The following LRRC4C variants were observed in gnomAD, a reference collection of about 807,000 sequenced individuals.
The protein encoded by LRRC4C is leucine rich repeat containing 4C.
LRRC4C carries 5 observed loss-of-function variants against 33.6 expected under a neutral mutation model. The ratio of observed to expected loss-of-function variants is 0.15; its 90% CI spans 0.08 to 0.31. The LOEUF (loss-of-function observed/expected upper bound fraction) is 0.31. LRRC4C is among the 10% of genes least tolerant of loss of function. The probability of loss-of-function intolerance (pLI) is 1.00; values close to 1 mark genes in which losing one functional copy is unlikely to be tolerated. For missense variants in LRRC4C, 560 were observed against 796.7 expected (o/e 0.70, Z 3.58); for synonymous variants, 329 against 302.0 (o/e 1.09, Z -0.93).
chr11:41,318,426 A>G (rs1029676953), intron 1 of LRRC4C, among the ~76,000 whole-genome samples: 1 of 152,216 alleles, frequency 6.6e-6, no homozygotes, highest in African/African-American at 2.4e-5. Context: ...GGACTTAATT[A>G]GCAGAGATTC....
intron 5 of LRRC4C, among the ~76,000 whole-genome samples, chr11:40,229,283 A>ATATT (rs1554981271): frequency 1.2e-4 from 18 of 151,628 alleles, no homozygotes; most frequent in Admixed American, 1.3e-4. Flanking sequence ...ATATATATAT[A>ATATT]TTTTTTTGAG....
chr11:40,942,136 G>T (rs1024545903), intron 1 of LRRC4C, among the ~76,000 whole-genome samples: 1 of 152,092 alleles, frequency 6.6e-6, no homozygotes, highest in Non-Finnish European at 1.5e-5. Flanking sequence ...TCCAAGAAAG[G>T]TTTAGCTAGC....
chr11:40,188,819 TG>T (rs138437838), intron 5 of LRRC4C, among the ~76,000 whole-genome samples: 58,573 of 151,756 alleles, frequency 0.39, 12,725 homozygotes, highest in South Asian at 0.54. Context: ...TGACATGAAA[TG>T]AAAAGGATGC....
chr11:40,664,222 C>T (rs1302350740), intron 2 of LRRC4C, among the ~76,000 whole-genome samples: 1 of 152,012 alleles, frequency 6.6e-6, no homozygotes, highest in African/African-American at 2.4e-5. Flanking sequence ...TAGCATTTAA[C>T]TACAAAAAGA....
At chr11:41,158,436 A>G (rs1944326708) in intron 1 of LRRC4C, among the ~76,000 whole-genome samples, 1 of 152,128 alleles carries the variant, frequency 6.6e-6, no homozygotes, top group African/African-American at 2.4e-5. Context: ...CATATTCACT[A>G]TGATTAGAGT....
intron 3 of LRRC4C, among the ~76,000 whole-genome samples, chr11:40,432,028 G>A (rs183542113): frequency 7.2e-5 from 11 of 152,280 alleles, no homozygotes; most frequent in Admixed American, 4.6e-4. Context: ...TGGTGTTTGA[G>A]CACAGGTTCT....
At chr11:40,965,995 C>A (rs1487256008) in intron 1 of LRRC4C, among the ~76,000 whole-genome samples, 1 of 152,016 alleles carries the variant, frequency 6.6e-6, no homozygotes. Context: ...TTCTTCCTAC[C>A]CATGAGCATG....
At chr11:40,922,886 C>T (rs959379418) in intron 2 of LRRC4C, among the ~76,000 whole-genome samples, 3 of 152,004 alleles carry the variant, frequency 2.0e-5, no homozygotes, top group African/African-American at 4.8e-5. Context: ...TGCACAGTGG[C>T]GCAAACTCTG....
chr11:40,606,018 G>C (rs549691636), intron 3 of LRRC4C, among the ~76,000 whole-genome samples: 113 of 152,292 alleles, frequency 7.4e-4, no homozygotes, highest in Middle Eastern at 3.4e-3. Flanking sequence ...GCTCGTGGCT[G>C]CTGCAGAGGA....
chr11:40,461,964 G>A (rs899823719), intron 3 of LRRC4C, among the ~76,000 whole-genome samples: 3 of 151,710 alleles, frequency 2.0e-5, no homozygotes, highest in African/African-American at 7.3e-5. Context: ...GAGGAATGAT[G>A]GAAAGGAGGG....
intron 1 of LRRC4C, among the ~76,000 whole-genome samples, chr11:41,047,616 C>G (rs1206103256): frequency 6.6e-6 from 1 of 152,106 alleles, no homozygotes; most frequent in Non-Finnish European, 1.5e-5. Context: ...ATTACCTTAA[C>G]TGTTTCAAGC....
intron 3 of LRRC4C, among the ~76,000 whole-genome samples, chr11:40,465,693 T>C (rs989923758): frequency 2.0e-5 from 3 of 151,886 alleles, no homozygotes; most frequent in Non-Finnish European, 2.9e-5. Context: ...AGCTTATGAA[T>C]AAATGCTCAA....
intron 1 of LRRC4C, among the ~76,000 whole-genome samples, chr11:40,963,790 T>C (rs1267317748): frequency 2.0e-5 from 3 of 151,940 alleles, no homozygotes; most frequent in South Asian, 2.1e-4. Flanking sequence ...ATCTTTCAAA[T>C]AGAACCACAC....
chr11:40,316,470 G>T (rs1039787722), intron 4 of LRRC4C, among the ~76,000 whole-genome samples: 2 of 151,908 alleles, frequency 1.3e-5, no homozygotes, highest in Non-Finnish European at 2.9e-5. Flanking sequence ...CTAGCAAAAA[G>T]AAGACAGAAG....
At chr11:40,751,201 T>C (rs528366567) in intron 2 of LRRC4C, among the ~76,000 whole-genome samples, 1 of 152,214 alleles carries the variant, frequency 6.6e-6, no homozygotes, top group South Asian at 2.1e-4. Flanking sequence ...TCTCTAAGAA[T>C]TGGAACAAGA....
intron 3 of LRRC4C, among the ~76,000 whole-genome samples, chr11:40,322,089 G>A (rs1329309116): frequency 6.6e-6 from 1 of 152,018 alleles, no homozygotes; most frequent in Non-Finnish European, 1.5e-5. Flanking sequence ...CTCACCAATC[G>A]ATTCACTAAA....
intron 1 of LRRC4C, among the ~76,000 whole-genome samples, chr11:41,219,160 A>G (rs987821078): frequency 1.3e-5 from 2 of 152,140 alleles, no homozygotes; most frequent in Non-Finnish European, 2.9e-5. Context: ...GCCCATTAAA[A>G]TGTAGTTAAT....
intron 5 of LRRC4C, among the ~76,000 whole-genome samples, chr11:40,159,876 G>T (rs1404646844): frequency 6.6e-6 from 1 of 152,110 alleles, no homozygotes; most frequent in Non-Finnish European, 1.5e-5. Context: ...TATATAACTT[G>T]TTCATTATCT....
chr11:41,429,883 G>A (rs1955176565), intron 1 of LRRC4C, among the ~76,000 whole-genome samples: 1 of 152,136 alleles, frequency 6.6e-6, no homozygotes, highest in Non-Finnish European at 1.5e-5. Context: ...TAGGAGGAAA[G>A]GGGAAGCTTC....
Sources: gnomAD v4.1 joint callset for allele counts (sites outside exome capture counted in the v4.1 genomes callset) on GRCh38, gnomAD v4.1.1 for gene constraint, MANE v1.5 for transcripts, NCBI Gene and HGNC (gene_info 2026-07-23, HGNC 2026-07-21) for gene names.